Variants in FAM107B observed in about 807,000 individuals in gnomAD.
FAM107B encodes protein FAM107B.
FAM107B carries 21 observed loss-of-function variants against 31.5 expected under a neutral mutation model. The ratio of observed to expected loss-of-function variants is 0.67; its 90% confidence interval spans 0.47 to 0.96. The LOEUF is 0.96. Ranked by LOEUF, FAM107B falls within the 40% of genes least tolerant of loss-of-function variation. The pLI, the probability that FAM107B is intolerant of heterozygous loss-of-function variation, is 0.00. For missense variants in FAM107B, 452 were observed against 377.1 expected (o/e 1.20, Z -1.64); for synonymous variants, 157 against 141.5 (o/e 1.11, Z -0.78).
chr10:14,567,488 T>A (rs876654), intron 2 of FAM107B, among the ~76,000 whole-genome samples: 1 of 151,872 alleles, frequency 6.6e-6, no homozygotes, highest in Non-Finnish European at 1.5e-5. Flanking sequence ...TGAGGAAAAT[T>A]TGATTTCCAG....
chr10:14,628,913 A>T (rs1853246330), intron 2 of FAM107B, among the ~76,000 whole-genome samples: 1 of 152,028 alleles, frequency 6.6e-6, no homozygotes, highest in Non-Finnish European at 1.5e-5. Flanking sequence ...TAATAGATTT[A>T]GACTCATGCT....
intron 2 of FAM107B, among the ~76,000 whole-genome samples, chr10:14,603,538 G>A (rs1276406694): frequency 1.3e-5 from 2 of 152,132 alleles, no homozygotes; most frequent in Non-Finnish European, 2.9e-5. Flanking sequence ...TTTCACAAGT[G>A]GTGGACACCA....
At chr10:14,537,689 G>A (rs1336512107) in intron 2 of FAM107B, among the ~76,000 whole-genome samples, 1 of 151,946 alleles carries the variant, frequency 6.6e-6, no homozygotes, top group African/African-American at 2.4e-5. Flanking sequence ...AATACAAAAA[G>A]TTGGGTGTGG....
chr10:14,592,891 A>G (rs1852066397), intron 2 of FAM107B, among the ~76,000 whole-genome samples: 1 of 152,202 alleles, frequency 6.6e-6, no homozygotes, highest in African/African-American at 2.4e-5. Flanking sequence ...TCACTGCACC[A>G]TTCCAGTACC....
At chr10:14,668,211 T>G (rs1435187487) in intron 1 of FAM107B, among the ~76,000 whole-genome samples, 1 of 151,944 alleles carries the variant, frequency 6.6e-6, no homozygotes, top group Non-Finnish European at 1.5e-5. Flanking sequence ...CTGGCTGATT[T>G]TTTTTGTATT....
At chr10:14,699,113 T>A (rs866685007) in intron 1 of FAM107B, among the ~76,000 whole-genome samples, 19 of 152,120 alleles carry the variant, frequency 1.2e-4, no homozygotes, top group South Asian at 4.2e-4. Context: ...AAGGAAAGTC[T>A]GGTACTTGAT....
intron 2 of FAM107B, among the ~76,000 whole-genome samples, chr10:14,645,337 G>A (rs1853725844): frequency 6.6e-6 from 1 of 152,258 alleles, no homozygotes; most frequent in Middle Eastern, 3.4e-3. Flanking sequence ...TGCTCAGAAG[G>A]CAGTGGCTAT....
At chr10:14,766,500 T>C (rs1225676348) in intron 1 of FAM107B, among the ~76,000 whole-genome samples, 4 of 151,908 alleles carry the variant, frequency 2.6e-5, no homozygotes, top group Non-Finnish European at 5.9e-5. Flanking sequence ...CAATAGGAGG[T>C]GAGTTCAGAG....
intron 2 of FAM107B, among the ~76,000 whole-genome samples, chr10:14,664,550 A>G (rs1434532219): frequency 6.6e-6 from 1 of 152,230 alleles, no homozygotes; most frequent in African/African-American, 2.4e-5. Flanking sequence ...TACAATATCC[A>G]GTGTAATAAC....
chr10:14,560,015 C>G (rs533141415), intron 2 of FAM107B, among the ~76,000 whole-genome samples: 1 of 152,242 alleles, frequency 6.6e-6, no homozygotes, highest in East Asian at 1.9e-4. Context: ...AACGCACAAC[C>G]CTTGCTTCCC....
At chr10:14,663,110 C>T (rs1366305961) in intron 2 of FAM107B, among the ~76,000 whole-genome samples, 2 of 152,256 alleles carry the variant, frequency 1.3e-5, no homozygotes, top group African/African-American at 2.4e-5. Flanking sequence ...CTTGGCCTTA[C>T]ACCAGTGGTT....
chr10:14,582,953 G>A (rs1032297109), intron 2 of FAM107B, among the ~76,000 whole-genome samples: 1 of 151,940 alleles, frequency 6.6e-6, no homozygotes, highest in Non-Finnish European at 1.5e-5. Flanking sequence ...GGGCAGAGTG[G>A]CGTGCCCCTA....
intron 1 of FAM107B, among the ~76,000 whole-genome samples, chr10:14,760,527 G>A (rs1833022279): frequency 6.7e-6 from 1 of 149,756 alleles, no homozygotes; most frequent in Non-Finnish European, 1.5e-5. Context: ...ACATGGAGAA[G>A]CATATAAATA....
At chr10:14,723,703 T>G (rs956437148) in intron 1 of FAM107B, 66 of 755,914 alleles carry the variant, frequency 8.7e-5, no homozygotes, top group South Asian at 1.7e-4. Flanking sequence ...AAGTCATGGC[T>G]CCCAGAAGGC....
chr10:14,551,153 G>A (rs141400356), intron 2 of FAM107B, among the ~76,000 whole-genome samples: 1 of 152,276 alleles, frequency 6.6e-6, no homozygotes, highest in African/African-American at 2.4e-5. Flanking sequence ...AAATCTAAAA[G>A]TCATTCTCTA....
At chr10:14,720,368 C>T (rs570222847) in intron 1 of FAM107B, among the ~76,000 whole-genome samples, 1 of 152,282 alleles carries the variant, frequency 6.6e-6, no homozygotes, top group African/African-American at 2.4e-5. Context: ...ATTCTCCTGC[C>T]TCGGGCTCCA....
chr10:14,767,469 C>G (rs528739725), intron 1 of FAM107B, among the ~76,000 whole-genome samples: 1 of 151,800 alleles, frequency 6.6e-6, no homozygotes, highest in East Asian at 1.9e-4. Context: ...AAGATTACAC[C>G]GTGACTAAGT....
intron 2 of FAM107B, among the ~76,000 whole-genome samples, chr10:14,531,034 A>G (rs1299870593): frequency 1.3e-5 from 2 of 152,198 alleles, no homozygotes; most frequent in Non-Finnish European, 2.9e-5. Flanking sequence ...CAGATACAGA[A>G]CAAAGACGGG....
chr10:14,734,092 A>T (rs954654386), intron 1 of FAM107B, among the ~76,000 whole-genome samples: 1 of 150,560 alleles, frequency 6.6e-6, no homozygotes, highest in Non-Finnish European at 1.5e-5. Context: ...GACTTCCTTT[A>T]AAAAAAAATA....
Sources: gnomAD v4.1 joint callset for allele counts (sites outside exome capture counted in the v4.1 genomes callset) on GRCh38, gnomAD v4.1.1 for gene constraint, MANE v1.5 for transcripts, NCBI Gene and HGNC (gene_info 2026-07-23, HGNC 2026-07-21) for gene names.